FGF7: variants seen among roughly 807,000 people sequenced by gnomAD.
FGF7 encodes FGF-7.
A neutral mutation model predicts 20.5 loss-of-function variants in FGF7; 6 were observed. The ratio of observed to expected loss-of-function variants is 0.29; its 90% CI spans 0.16 to 0.58. The LOEUF (loss-of-function observed/expected upper bound fraction) is 0.58, where lower values mean the gene tolerates loss of function less well. Among genes scored for constraint, FGF7 ranks in the 20% least tolerant of loss-of-function variants. The pLI is 0.90. For missense variants in FGF7, 144 were observed against 228.8 expected, an observed-to-expected ratio of 0.63 and a Z score of 2.39; for synonymous variants, 64 against 74.7, an observed-to-expected ratio of 0.86 and a Z score of 0.74.
In FGF7 at chr15:49,486,149, T is replaced by C. The variant is rs2056386216; in HGVS notation, c.*1645T>C. On this transcript the variant is annotated 3_prime_UTR_variant, in exon 4 of 4. Coordinates refer to ENST00000267843, the MANE Select transcript of FGF7 (RefSeq NM_002009.4). ...CACTGTGGTTTTAATTTCAAAATAT[T>C]TGTCATTCAAGTCCCTTTACATAAA... is the stretch of plus-strand genomic sequence containing the variant. 1 of 152,052 alleles carries C rather than the reference T, an allele frequency of 6.6e-6. No individual in the cohort carries two copies. The highest frequency in any genetic ancestry group is 2.4e-5 in the African/African-American group (1 of 41,434). 9.4% of individuals were successfully genotyped at this position (152,052 alleles called of 1,614,324 possible).
intron 2 of FGF7, 91 bp downstream of exon 2, chr15:49,424,674 C>T: frequency 9.6e-7 from 1 of 1,044,234 alleles, no homozygotes; most frequent in South Asian, 2.1e-5. Flanking sequence ...CCTTTTGCTT[C>T]TTGGAAAAAA....
chr15:49,443,044 T>C (rs1567284431), intron 2 of FGF7, among the ~76,000 whole-genome samples: 1 of 151,738 alleles, frequency 6.6e-6, no homozygotes, highest in Admixed American at 6.6e-5. Flanking sequence ...TTTGAAAATA[T>C]GTAGCCAATG....
At chr15:49,458,551 A>G (rs1432947855) in intron 2 of FGF7, among the ~76,000 whole-genome samples, 1 of 152,126 alleles carries the variant, frequency 6.6e-6, no homozygotes, top group East Asian at 1.9e-4. Flanking sequence ...AAACTCTTTA[A>G]GAACAGGATG....
intron 2 of FGF7, among the ~76,000 whole-genome samples, chr15:49,472,436 G>A (rs1392410073): frequency 2.0e-5 from 3 of 152,180 alleles, no homozygotes; most frequent in African/African-American, 7.2e-5. Context: ...ACTTTTGGAA[G>A]TTGCCATAGG....
intron 2 of FGF7, among the ~76,000 whole-genome samples, chr15:49,473,846 T>C (rs1416389965): frequency 1.3e-5 from 2 of 152,150 alleles, no homozygotes; most frequent in Non-Finnish European, 2.9e-5. Flanking sequence ...ATTCTACACA[T>C]GCTGTATGAG....
intron 2 of FGF7, among the ~76,000 whole-genome samples, chr15:49,450,220 G>A (rs749216700): frequency 3.3e-5 from 5 of 152,058 alleles, no homozygotes; most frequent in Non-Finnish European, 5.9e-5. Context: ...AGTGACAGAA[G>A]AATAACAATT....
chr15:49,449,059 T>C (rs2052485251), intron 2 of FGF7, among the ~76,000 whole-genome samples: 1 of 151,618 alleles, frequency 6.6e-6, no homozygotes, highest in African/African-American at 2.4e-5. Flanking sequence ...TGATAAGTAA[T>C]TTTTGGCTAT....
intron 2 of FGF7, among the ~76,000 whole-genome samples, chr15:49,438,144 A>G (rs751216025): frequency 5.3e-5 from 8 of 151,690 alleles, no homozygotes; most frequent in Non-Finnish European, 1.0e-4. Context: ...ATAAGACTGC[A>G]GGGAAGTCTC....
chr15:49,449,676 C>G (rs1044604992), intron 2 of FGF7, among the ~76,000 whole-genome samples: 66 of 152,028 alleles, frequency 4.3e-4, no homozygotes, highest in Non-Finnish European at 1.0e-4. Flanking sequence ...GTCCAGGTCC[C>G]TTTCAGATGA....
intron 2 of FGF7, among the ~76,000 whole-genome samples, chr15:49,445,043 T>C (rs1055548689): frequency 6.6e-6 from 1 of 151,634 alleles, no homozygotes; most frequent in Non-Finnish European, 1.5e-5. Flanking sequence ...GTCCTAATTA[T>C]TATATAGATT....
chr15:49,456,607 G>A (rs528751133), intron 2 of FGF7, among the ~76,000 whole-genome samples: 2 of 152,180 alleles, frequency 1.3e-5, no homozygotes, highest in Non-Finnish European at 2.9e-5. Context: ...AGGAATAAAT[G>A]TTTGAGAAGG....
intron 2 of FGF7, among the ~76,000 whole-genome samples, chr15:49,439,272 G>C (rs2051399266): frequency 2.0e-5 from 3 of 151,276 alleles, no homozygotes; most frequent in Non-Finnish European, 4.4e-5. Flanking sequence ...GCAATGAGAG[G>C]GGTAGGAGAG....
intron 2 of FGF7, among the ~76,000 whole-genome samples, chr15:49,426,513 C>A (rs1177008977): frequency 6.6e-6 from 1 of 151,794 alleles, no homozygotes; most frequent in African/African-American, 2.4e-5. Flanking sequence ...TATTTAGGAT[C>A]AACAATATCT....
intron 2 of FGF7, among the ~76,000 whole-genome samples, chr15:49,466,471 T>G (rs768923541): frequency 6.6e-6 from 1 of 152,032 alleles, no homozygotes. Context: ...TAGGCTGGAG[T>G]CAGATTTTGG....
intron 2 of FGF7, among the ~76,000 whole-genome samples, chr15:49,473,659 G>C (rs1428830566): frequency 1.3e-5 from 2 of 152,126 alleles, no homozygotes; most frequent in Non-Finnish European, 2.9e-5. Context: ...ACAAATAGAA[G>C]AATAAAACTA....
intron 2 of FGF7, among the ~76,000 whole-genome samples, chr15:49,462,613 T>C (rs527686682): frequency 3.9e-4 from 59 of 152,324 alleles, no homozygotes; most frequent in African/African-American, 1.4e-3. Flanking sequence ...GAGGTAAGGG[T>C]AGGCTACAGT....
At chr15:49,465,394 C>G (rs577667799) in intron 2 of FGF7, among the ~76,000 whole-genome samples, 3 of 152,058 alleles carry the variant, frequency 2.0e-5, no homozygotes, top group East Asian at 3.9e-4. Context: ...CCTCGGCCTC[C>G]CAAAGTGCTG....
chr15:49,448,667 A>ATAT (rs2151872724), intron 2 of FGF7, among the ~76,000 whole-genome samples: 1 of 151,198 alleles, frequency 6.6e-6, no homozygotes, highest in South Asian at 2.1e-4. Flanking sequence ...GAACATCCAC[A>ATAT]TATGTACATA....
chr15:49,434,296 T>TA (rs2050887815), intron 2 of FGF7: 1 of 151,598 alleles, frequency 6.6e-6, no homozygotes, highest in South Asian at 2.1e-4. Flanking sequence ...CTTTTTTTTT[T>TA]AATTAATTCA....
Sources: gnomAD v4.1 joint callset for allele counts (sites outside exome capture counted in the v4.1 genomes callset) on GRCh38, gnomAD v4.1.1 for gene constraint, MANE v1.5 for transcripts, NCBI Gene and HGNC (gene_info 2026-07-23, HGNC 2026-07-21) for gene names.